The following SNX27 variants were observed in gnomAD, a reference collection of about 807,000 sequenced individuals.
The protein encoded by SNX27 is sorting nexin 27.
A neutral mutation model predicts 71.6 loss-of-function variants in SNX27; 22 were observed. The ratio of observed to expected loss-of-function variants is 0.31; its 90% CI spans 0.22 to 0.44. The LOEUF (loss-of-function observed/expected upper bound fraction) is 0.44. SNX27 is among the 20% of genes least tolerant of loss of function. The pLI, the probability that SNX27 is intolerant of heterozygous loss-of-function variation, is 1.00. For missense variants in SNX27, 531 were observed against 698.6 expected (o/e 0.76, Z 2.70); for synonymous variants, 269 against 277.2 (o/e 0.97, Z 0.29).
intron 2 of SNX27, among the ~76,000 whole-genome samples, chr1:151,653,989 C>T (rs533185302): frequency 1.4e-4 from 22 of 152,198 alleles, no homozygotes; most frequent in African/African-American, 4.1e-4. Flanking sequence ...CACACCACCA[C>T]GCCAAGCTAA....
At chr1:151,634,914 T>C (rs958769974) in intron 1 of SNX27, among the ~76,000 whole-genome samples, 2 of 152,238 alleles carry the variant, frequency 1.3e-5, no homozygotes, top group African/African-American at 4.8e-5. Flanking sequence ...TGCCTTTCTT[T>C]ATAAAAGCAG....
chr1:151,671,365 C>T (rs1485429562), intron 7 of SNX27, among the ~76,000 whole-genome samples: 1 of 151,838 alleles, frequency 6.6e-6, no homozygotes, highest in African/African-American at 2.4e-5. Flanking sequence ...AGCCTCCCCA[C>T]TAGCTGGGGC....
intron 8 of SNX27, among the ~76,000 whole-genome samples, chr1:151,684,450 C>G (rs999412029): frequency 2.6e-5 from 4 of 152,040 alleles, no homozygotes; most frequent in African/African-American, 9.7e-5. Context: ...CCTTAAATGG[C>G]TTTAAATTCA....
At chr1:151,693,975 A>G (rs1458755873) in intron 11 of SNX27, 11 of 1,237,758 alleles carry the variant, frequency 8.9e-6, no homozygotes, top group Non-Finnish European at 1.0e-5. Flanking sequence ...ATAATTAGTT[A>G]CTTATTCTCA....
At chr1:151,659,351 G>A (rs1231169651) in intron 3 of SNX27, among the ~76,000 whole-genome samples, 2 of 152,118 alleles carry the variant, frequency 1.3e-5, no homozygotes, top group African/African-American at 2.4e-5. Flanking sequence ...AGGTTCAAGC[G>A]ATTCTCCTGC....
At chr1:151,686,755 A>G (rs893023124) in intron 8 of SNX27, among the ~76,000 whole-genome samples, 5 of 152,260 alleles carry the variant, frequency 3.3e-5, no homozygotes, top group Admixed American at 1.3e-4. Flanking sequence ...AGTGTGGTGA[A>G]CAGGCCTACG....
chr1:151,647,598 T>G (rs199790762), intron 2 of SNX27, among the ~76,000 whole-genome samples: 12,674 of 117,734 alleles, frequency 0.11, 815 homozygotes, highest in East Asian at 0.16. Context: ...GTATTTCGTT[T>G]TGAGTCTCTG....
Position 151,612,624 on chromosome 1 carries a change from C to T in SNX27, c.311+112C>T, listed in dbSNP as rs1482692511. 3 of 852,972 alleles carry T rather than the reference C, an allele frequency of 3.5e-6. No homozygotes were observed. The highest frequency in any genetic ancestry group is 1.8e-5 in the African/African-American group (1 of 56,720). 52.8% of individuals were successfully genotyped at this position (852,972 alleles called of 1,614,324 possible). A position where few individuals can be genotyped will look rare whatever the true frequency, so the allele number is the denominator to read the frequency against. On this transcript the variant is annotated intron_variant, in intron 1 of 11. Coordinates refer to ENST00000458013, the MANE Select transcript of SNX27 (RefSeq NM_001330723.2). The surrounding 1 kb of genome is among the most constrained non-coding windows in gnomAD (Gnocchi z 5.2). ...CACCTCCCCCGAGCTCCGAGCCGGC[C>T]TCCGGACCCCCGCCCCTCAGGCCTC... is the stretch of plus-strand genomic sequence containing the variant.
chr1:151,619,734 G>A (rs1290794086), intron 1 of SNX27, among the ~76,000 whole-genome samples: 1 of 151,980 alleles, frequency 6.6e-6, no homozygotes, highest in Admixed American at 6.6e-5. Flanking sequence ...AGTAATTTAG[G>A]GCATCACTTT....
At chr1:151,664,061 C>T (rs990288533) in intron 5 of SNX27, among the ~76,000 whole-genome samples, 3 of 149,110 alleles carry the variant, frequency 2.0e-5, no homozygotes, top group African/African-American at 7.3e-5. Context: ...CTTTTCCTTT[C>T]ATTGCTGATT....
intron 1 of SNX27, among the ~76,000 whole-genome samples, chr1:151,634,342 A>G (rs1668378078): frequency 6.6e-6 from 1 of 152,220 alleles, no homozygotes; most frequent in Non-Finnish European, 1.5e-5. Context: ...CTTACTATGT[A>G]GAATGGCTTT....
At chr1:151,652,294 C>A (rs1216401351) in intron 2 of SNX27, among the ~76,000 whole-genome samples, 1 of 150,244 alleles carries the variant, frequency 6.7e-6, no homozygotes, top group Non-Finnish European at 1.5e-5. Flanking sequence ...TAATTTTTCT[C>A]TTTAGATAAT....
chr1:151,697,363 G>A lies in SNX27; in HGVS notation c.*2946G>A, dbSNP rs1671809994. The A allele has an allele frequency of 6.6e-6, 1 of 152,334 alleles. No homozygotes were observed. Among genetic ancestry groups the A allele is most frequent in the Non-Finnish European group, 1.5e-5 (1 of 68,112 alleles). 9.4% of individuals were successfully genotyped at this position (152,334 alleles called of 1,614,324 possible). Reference sequence around the variant, plus strand: ...CTGACCTTCAGACATGAGACATAGGGATTTGGAGGCCCCTTAGAATGGGTA... The same window carrying A: ...CTGACCTTCAGACATGAGACATAGGAATTTGGAGGCCCCTTAGAATGGGTA... On this transcript the variant is annotated 3_prime_UTR_variant, in exon 12 of 12. Transcript: ENST00000458013.
intron 4 of SNX27, among the ~76,000 whole-genome samples, chr1:151,661,774 A>G (rs1669973667): frequency 6.6e-6 from 1 of 152,192 alleles, no homozygotes; most frequent in African/African-American, 2.4e-5. Context: ...GATCCAGTCT[A>G]TATGCCTGAC....
chr1:151,612,309 G>A lies in SNX27; in HGVS notation c.108G>A (p.Gly36=), dbSNP rs1667212683. The A allele has an allele frequency of 1.3e-6, 2 of 1,519,456 alleles. No homozygotes were observed. Among genetic ancestry groups the A allele is most frequent in the Non-Finnish European group, 1.8e-6 (2 of 1,137,668 alleles). The allele number at this position is 1,519,456 out of a possible 1,614,324, so 94.1% of individuals were successfully genotyped here. ...TCCACTGCGCCGGGAACGGCGGCGG[G>A]GGAGGCGGCGGCCCGCGGGTCGTGC... is the stretch of plus-strand genomic sequence containing the variant. ...SGLHCAGNGG[G]GGGGPRVVRI... The change falls in exon 1 of 12, where the codon GGG becomes GGA. Residue 36 remains glycine, a synonymous_variant. Coordinates refer to ENST00000458013, the MANE Select transcript of SNX27 (RefSeq NM_001330723.2). The surrounding 1 kb of genome is among the most constrained non-coding windows in gnomAD (Gnocchi z 5.2).
intron 8 of SNX27, among the ~76,000 whole-genome samples, chr1:151,684,067 C>T (rs1671084385): frequency 6.6e-6 from 1 of 152,016 alleles, no homozygotes; most frequent in African/African-American, 2.4e-5. Flanking sequence ...TTGTATAAGA[C>T]CTGATATTTA....
intron 8 of SNX27, among the ~76,000 whole-genome samples, 193 bp from the exon 9 acceptor site, chr1:151,692,241 GA>G (rs1571880115): frequency 6.6e-6 from 1 of 151,998 alleles, no homozygotes; most frequent in East Asian, 1.9e-4. Context: ...AAAAAGAAAA[GA>G]ATTGTCTCAG....
intron 7 of SNX27, among the ~76,000 whole-genome samples, chr1:151,672,867 C>CTT (rs369320111): frequency 1.4e-5 from 2 of 147,176 alleles, no homozygotes; most frequent in Non-Finnish European, 1.5e-5. Context: ...TTTGGATCTT[C>CTT]TTTTTTTTTT....
Position 151,658,420 on chromosome 1 carries a change from A to G in SNX27, c.729A>G (p.Leu243=), listed in dbSNP as rs1443191049. 6.2e-7 allele frequency: 1 copy of G among 1,613,800 alleles called. No homozygotes were observed. The change falls in exon 3 of 12, where the codon CTA becomes CTG. Residue 243 remains leucine, a synonymous_variant. Transcript: ENST00000458013. ...DARRRGLEEY[L]EKVCSIRVIG... is the part of the protein sequence containing the mutation. ...GACGTCGGGGATTGGAAGAATATCTAGAAAAAGGTAATCCAAACCATCAAA... is the reference window on the plus strand; with the variant it reads ...GACGTCGGGGATTGGAAGAATATCTGGAAAAAGGTAATCCAAACCATCAAA...
Sources: gnomAD v4.1 joint callset for allele counts (sites outside exome capture counted in the v4.1 genomes callset) on GRCh38, gnomAD v4.1.1 for gene constraint, Gnocchi (gnomAD v3.1) non-coding constraint, MANE v1.5 for transcripts, NCBI Gene and HGNC (gene_info 2026-07-23, HGNC 2026-07-21) for gene names.